The following CACNG7 variants were observed in gnomAD, a reference collection of about 807,000 sequenced individuals.
CACNG7 encodes voltage-dependent calcium channel gamma-7 subunit.
Under a neutral mutation model 26.3 loss-of-function variants are expected in CACNG7, and 9 were observed. The observed-to-expected ratio is 0.34, with a 90% confidence interval of 0.21 to 0.60. The LOEUF (loss-of-function observed/expected upper bound fraction) is 0.60, where lower values mean the gene tolerates loss of function less well. CACNG7 is among the 20% of genes least tolerant of loss of function. The pLI is 0.81. For synonymous variants in CACNG7, 170 were observed against 157.0 expected (o/e 1.08, Z -0.62); for missense variants, 297 against 380.4 (o/e 0.78, Z 1.82).
intron 4 of CACNG7, among the ~76,000 whole-genome samples, chr19:53,932,039 G>A (rs1329562301): frequency 1.3e-5 from 2 of 151,382 alleles, no homozygotes; most frequent in Admixed American, 6.6e-5. Flanking sequence ...GGGATTACAG[G>A]CGTGAGCCAC....
Position 53,918,454 on chromosome 19 carries a change from A to C in CACNG7, c.424+2949A>C, listed in dbSNP as rs149443771. 2.9e-3 allele frequency among the ~76,000 whole-genome samples: 440 copies of C among 152,300 alleles called. 2 individuals are homozygous for C. The highest frequency in any genetic ancestry group is 9.8e-3 in the African/African-American group (406 of 41,552). ...AATGTAATTTTCATGTGCATGAAAT[A>C]TTCTTCTTCTTTTGATTTTTTTTTA... On this transcript the variant is annotated intron_variant, in intron 4 of 5. Coordinates refer to ENST00000391767, the MANE Select transcript of CACNG7 (RefSeq NM_031896.5).
intron 4 of CACNG7, among the ~76,000 whole-genome samples, chr19:53,918,447 A>C (rs2068912325): frequency 6.6e-6 from 1 of 152,204 alleles, no homozygotes; most frequent in African/African-American, 2.4e-5. Flanking sequence ...TTTCATGTGC[A>C]TGAAATATTC....
intron 4 of CACNG7, among the ~76,000 whole-genome samples, chr19:53,924,391 T>TCCCCAGGCCTGGTCATTGGTGGAGTTG (rs2069002920): frequency 9.2e-6 from 1 of 108,956 alleles, no homozygotes. Context: ...GGTGGAGTTG[T>TCCCCAGGCCTGGTCATTGGTGGAGTTG]CCCCAGGCCT....
In CACNG7 at chr19:53,942,436, C is replaced by T; in HGVS notation, c.*143C>T. On this transcript the variant is annotated 3_prime_UTR_variant, in exon 6 of 6. Coordinates refer to ENST00000391767, the MANE Select transcript of CACNG7 (RefSeq NM_031896.5). The surrounding 1 kb of genome is among the most constrained non-coding windows in gnomAD (Gnocchi z 5.9). ...CGCCAGCTTTAGGCCCCGCCCTCCT[C>T]CCAATGGCTCCGCCCACAGACTCCC... The T allele has an allele frequency of 6.7e-7, 1 of 1,488,706 alleles. No homozygotes were observed. The highest frequency in any genetic ancestry group is 1.4e-5 in the South Asian group (1 of 73,558). 92.2% of individuals were successfully genotyped at this position (1,488,706 alleles called of 1,614,324 possible).
chr19:53,933,093 C>G (rs966306252), intron 4 of CACNG7, among the ~76,000 whole-genome samples: 2 of 151,744 alleles, frequency 1.3e-5, no homozygotes, highest in Admixed American at 6.6e-5. Context: ...GCACTTTGTG[C>G]GTGAGCCACT....
intron 4 of CACNG7, among the ~76,000 whole-genome samples, chr19:53,932,579 C>G (rs2069080046): frequency 6.6e-6 from 1 of 152,126 alleles, no homozygotes; most frequent in African/African-American, 2.4e-5. Flanking sequence ...CACTCTTCCC[C>G]ATTGGCCTCA....
intron 4 of CACNG7, among the ~76,000 whole-genome samples, chr19:53,932,977 T>C (rs2069083181): frequency 1.3e-5 from 2 of 151,780 alleles, no homozygotes; most frequent in South Asian, 2.1e-4. Context: ...CCGGCTAATT[T>C]TGTATTTTAA....
chr19:53,932,865 G>T, intron 4 of CACNG7, among the ~76,000 whole-genome samples: 1 of 137,216 alleles, frequency 7.3e-6, no homozygotes. Context: ...ACTGAGTTCC[G>T]CTCTTGTCGT....
chr19:53,942,264 C>T lies in CACNG7; in HGVS notation c.799C>T (p.His267Tyr). 6.2e-7 allele frequency: 1 copy of T among 1,613,128 alleles called. No individual in the cohort carries two copies. The highest frequency in any genetic ancestry group is 2.2e-5 in the East Asian group (1 of 44,846). Residue 267 changes from histidine to tyrosine, a missense_variant, in exon 6 of 6, where the codon CAC becomes TAC. By Grantham distance (83) the His-to-Tyr change is moderately conservative. Coordinates refer to ENST00000391767, the MANE Select transcript of CACNG7 (RefSeq NM_031896.5). This position sits in a 1 kb window ranked among gnomAD's most constrained non-coding sequence, Gnocchi z 5.9. ...NYPPAIKYPD[H>Y]LHISTSPC ...CCCTCCCGCCATCAAGTACCCGGAC[C>T]ACCTGCACATCTCCACCTCGCCCTG...
rs1462091017 is a variant in CACNG7, at chr19:53,909,369, G to A, written c.-178G>A. 4.7e-5 allele frequency: 7 copies of A among 149,744 alleles called. No individual in the cohort carries two copies. The South Asian group carries it at 1.3e-3, about 28-fold the overall frequency. The allele number at this position is 149,744 out of a possible 1,614,324, so 9.3% of individuals were successfully genotyped here. A position where few individuals can be genotyped will look rare whatever the true frequency, so the allele number is the denominator to read the frequency against. On this transcript the variant is annotated 5_prime_UTR_variant, in exon 1 of 6. Coordinates refer to ENST00000391767, the MANE Select transcript of CACNG7 (RefSeq NM_031896.5). This position sits in a 1 kb window ranked among gnomAD's most constrained non-coding sequence, Gnocchi z 5.1. Reference sequence around the variant, plus strand: ...GGGGGTGGGGGGTGGGAGGCCGGGAGGGGGCCGGGACGCCGGGCTCCGGGG... The same window carrying A: ...GGGGGTGGGGGGTGGGAGGCCGGGAAGGGGCCGGGACGCCGGGCTCCGGGG...
At chr19:53,923,818 C>T (rs1242430821) in intron 4 of CACNG7, among the ~76,000 whole-genome samples, 15 of 87,706 alleles carry the variant, frequency 1.7e-4, no homozygotes, top group African/African-American at 2.5e-4. Flanking sequence ...GGTGGAGTTG[C>T]CCCAGGTCTG....
Position 53,921,632 on chromosome 19 carries a change from C to CATTG in CACNG7, c.424+6127_424+6128insATTG, listed in dbSNP as rs1568774559. 2.7e-4 allele frequency among the ~76,000 whole-genome samples: 9 copies of CATTG among 33,906 alleles called. 2 individuals are homozygous for CATTG. The highest frequency in any genetic ancestry group is 2.4e-3 in the South Asian group (2 of 828). 22.2% of individuals were successfully genotyped at this position (33,906 alleles called of 152,430 possible). A position where few individuals can be genotyped will look rare whatever the true frequency, so the allele number is the denominator to read the frequency against. On this transcript the variant is annotated intron_variant, in intron 4 of 5. Coordinates refer to ENST00000391767, the MANE Select transcript of CACNG7 (RefSeq NM_031896.5). Reference sequence around the variant, plus strand: ...CCCCAGGTCTGGTCATTGGTGGAGTCGTCCCCAGGTCTGGTCATTGGTGGA... The same window carrying CATTG: ...CCCCAGGTCTGGTCATTGGTGGAGTCATTGGTCCCCAGGTCTGGTCATTGGTGGA...
chr19:53,916,609 C>T (rs547451328), intron 4 of CACNG7, among the ~76,000 whole-genome samples: 1 of 149,158 alleles, frequency 6.7e-6, no homozygotes, highest in African/African-American at 2.5e-5. Context: ...CTGCCTCAGC[C>T]TCCCAAGTAG....
rs1182538710 is a variant in CACNG7 at position 53,915,455 on chromosome 19, C to T, written c.374C>T (p.Pro125Leu). ...ATCAGCAACATCGGCCACATCCGCC[C>T]GCAGAGGACCATTCTGGCTTTTGTC... Reference protein sequence around the residue: ...FVISNIGHIRPQRTILAFVSG... With the variant: ...FVISNIGHIRLQRTILAFVSG... The change falls in exon 4 of 6, where the codon CCG becomes CTG. Residue 125 changes from proline (P) to leucine (L), a missense_variant. Coordinates refer to ENST00000391767, the MANE Select transcript of CACNG7 (RefSeq NM_031896.5). The T allele has an allele frequency of 3.7e-6, 6 of 1,614,028 alleles. No homozygotes were observed. Among genetic ancestry groups the T allele is most frequent in the African/African-American group, 2.7e-5 (2 of 74,904 alleles).
chr19:53,920,216 TGCCCCAGGC>T lies in CACNG7; in HGVS notation c.424+4712_424+4720del, dbSNP rs1174136366. On this transcript the variant is annotated intron_variant, in intron 4 of 5. Transcript: ENST00000391767. ...CCCCAGGTCTGGTCATTGGTGGAGT[TGCCCCAGGC>T]TGGTCATTGGTGGACTTGCCCCAGG... 2.9e-4 allele frequency among the ~76,000 whole-genome samples: 18 copies of T among 61,408 alleles called. 1 individual carries two copies. Among genetic ancestry groups the T allele is most frequent in the African/African-American group, 1.7e-3 (16 of 9,388 alleles). 40.3% of individuals were successfully genotyped at this position (61,408 alleles called of 152,430 possible). A position where few individuals can be genotyped will look rare whatever the true frequency, so the allele number is the denominator to read the frequency against.
intron 4 of CACNG7, among the ~76,000 whole-genome samples, chr19:53,928,040 T>G (rs2069045062): frequency 7.1e-6 from 1 of 141,740 alleles, no homozygotes; most frequent in African/African-American, 2.8e-5. Flanking sequence ...AGTAAGAGAG[T>G]TGGATTGCAG....
intron 4 of CACNG7, among the ~76,000 whole-genome samples, chr19:53,924,175 C>T (rs2068998848): frequency 6.8e-6 from 1 of 148,104 alleles, no homozygotes; most frequent in African/African-American, 2.5e-5. Flanking sequence ...TGGAGTTGGT[C>T]CCAGGTCTGG....
chr19:53,910,362 T>TG (rs1157310662), intron 1 of CACNG7, among the ~76,000 whole-genome samples: 174 of 17,018 alleles, frequency 0.01, no homozygotes, highest in African/African-American at 0.04. Flanking sequence ...TCCAAGAGGT[T>TG]GGGGGGGAAG....
intron 4 of CACNG7, among the ~76,000 whole-genome samples, chr19:53,919,554 G>C (rs307931): frequency 1.4e-5 from 2 of 139,062 alleles, no homozygotes; most frequent in Non-Finnish European, 1.5e-5. Flanking sequence ...CATTGGTGGA[G>C]TTGCCCCAGG....
Sources: gnomAD v4.1 joint callset for allele counts (sites outside exome capture counted in the v4.1 genomes callset) on GRCh38, gnomAD v4.1.1 for gene constraint, Gnocchi (gnomAD v3.1) non-coding constraint, MANE v1.5 for transcripts, NCBI Gene and HGNC (gene_info 2026-07-23, HGNC 2026-07-21) for gene names.